The following KLF16 variants were observed in gnomAD, a reference collection of about 807,000 sequenced individuals.
KLF16 encodes KLF transcription factor 16.
A neutral mutation model predicts 6.1 loss-of-function variants in KLF16; 6 were observed. The observed-to-expected ratio is 0.98, with a 90% CI of 0.54 to 1.93. The LOEUF (loss-of-function observed/expected upper bound fraction) is 1.93, where lower values mean the gene tolerates loss of function less well. Ranked by LOEUF, KLF16 falls within the 30% of genes most tolerant of loss-of-function variation. The probability of loss-of-function intolerance (pLI) is 0.01; values close to 1 mark genes in which losing one functional copy is unlikely to be tolerated. For missense variants in KLF16, 355 were observed against 363.8 expected (o/e 0.98, Z 0.20); for synonymous variants, 211 against 176.5 (o/e 1.20, Z -1.55).
the KLF16 span, among the ~76,000 whole-genome samples, chr19:1,872,157 G>A: frequency 6.6e-6 from 1 of 152,256 alleles, no homozygotes; most frequent in East Asian, 1.9e-4. Flanking sequence ...TTAAGATGGA[G>A]TCTTGCTGTG....
At chr19:1,854,848 G>A in intron 1 of KLF16, 88 bp from the exon 2 acceptor site, 2 of 1,436,496 alleles carry the variant, frequency 1.4e-6, no homozygotes, top group South Asian at 2.4e-5. Flanking sequence ...AGGGTGGCGG[G>A]CATTTGTCCC....
At chr19:1,873,768 G>A in the KLF16 span, among the ~76,000 whole-genome samples, 1 of 152,218 alleles carries the variant, frequency 6.6e-6, no homozygotes, top group African/African-American at 2.4e-5. Context: ...GGGTCCTCCC[G>A]GGTCCCAAGA....
chr19:1,865,672 G>T (rs935892554), upstream of KLF16, among the ~76,000 whole-genome samples: 6 of 152,138 alleles, frequency 3.9e-5, no homozygotes, highest in Non-Finnish European at 7.4e-5. Flanking sequence ...GGCCTCATCT[G>T]CAGGTCATGC....
chr19:1,866,262 C>T (rs1051125436), upstream of KLF16, among the ~76,000 whole-genome samples: 1 of 150,136 alleles, frequency 6.7e-6, no homozygotes, highest in Non-Finnish European at 1.5e-5. Context: ...GAGTTGAGAT[C>T]GAACATTGTA....
At position 1,863,531 on chromosome 19, in the gene KLF16, C is replaced by G. The variant is rs1474821586; in HGVS notation, c.-34G>C. On this transcript the variant is annotated 5_prime_UTR_variant, in exon 1 of 2. Transcript: ENST00000250916. ...AGGGCGCGCGGCGCGGCGGGCGGAG[C>G]GGAGGCGGCGGGAGCGGCGTCCGTC... is the stretch of plus-strand genomic sequence containing the variant. 2.2e-4 allele frequency: 208 copies of G among 957,488 alleles called. 1 individual carries two copies. The highest frequency in any genetic ancestry group is 2.4e-4 in the Non-Finnish European group (194 of 806,694). 59.3% of individuals were successfully genotyped at this position (957,488 alleles called of 1,614,324 possible).
the KLF16 span, among the ~76,000 whole-genome samples, chr19:1,870,073 C>T: frequency 2.0e-5 from 3 of 151,528 alleles, no homozygotes; most frequent in Admixed American, 1.3e-4. Context: ...GCTGGGATTA[C>T]AGGCACGTGC....
At chr19:1,870,270 G>A in the KLF16 span, among the ~76,000 whole-genome samples, 1 of 152,056 alleles carries the variant, frequency 6.6e-6, no homozygotes, top group Non-Finnish European at 1.5e-5. Context: ...TGGATGTGGG[G>A]GTGACTGGAC....
At chr19:1,868,355 G>A (rs578019293), upstream of KLF16, among the ~76,000 whole-genome samples, 6 of 151,880 alleles carry the variant, frequency 4.0e-5, no homozygotes, top group African/African-American at 9.7e-5. Context: ...GGGTCTCGGC[G>A]ACCCCTGCTA....
At chr19:1,869,804 G>A in the KLF16 span, among the ~76,000 whole-genome samples, 2 of 152,036 alleles carry the variant, frequency 1.3e-5, no homozygotes, top group African/African-American at 4.8e-5. Flanking sequence ...TAGAGATAGG[G>A]TCTTACTTTT....
upstream of KLF16, among the ~76,000 whole-genome samples, chr19:1,867,140 CCA>C: frequency 6.6e-6 from 1 of 152,292 alleles, no homozygotes; most frequent in East Asian, 1.9e-4. Flanking sequence ...CTCAGAGGGG[CCA>C]CGGAGCCAGG....
At chr19:1,864,782 G>A (rs1464850200), upstream of KLF16, among the ~76,000 whole-genome samples, 1 of 152,206 alleles carries the variant, frequency 6.6e-6, no homozygotes, top group East Asian at 1.9e-4. Flanking sequence ...CAGGGACGCG[G>A]ATGGCCCAGT....
At position 1,857,934 on chromosome 19, in the gene KLF16, G is replaced by A. The variant is rs1470270393; in HGVS notation, c.458-3174C>T. On this transcript the variant is annotated intron_variant, in intron 1 of 1. Transcript: ENST00000250916. The surrounding 1 kb of genome is among the most constrained non-coding windows in gnomAD (Gnocchi z 4.7). Reference sequence around the variant, plus strand: ...GCCGCTGCAGAAAAGGGGGAACACTGGTGGTGAGGCCCTGCCAGCCTGGGG... The same window carrying A: ...GCCGCTGCAGAAAAGGGGGAACACTAGTGGTGAGGCCCTGCCAGCCTGGGG... Among the ~76,000 whole-genome samples the A allele has an allele frequency of 2.0e-5, 3 of 151,998 alleles. No homozygotes were observed. The highest frequency in any genetic ancestry group is 7.3e-5 in the African/African-American group (3 of 41,350).
chr19:1,860,046 T>G (rs1029013343), intron 1 of KLF16, among the ~76,000 whole-genome samples: 7 of 148,676 alleles, frequency 4.7e-5, no homozygotes, highest in Admixed American at 6.7e-5. Flanking sequence ...TCTGAGCCCC[T>G]CTCCTGGGGA....
chr19:1,854,605 G>C lies in KLF16; in HGVS notation c.613C>G (p.His205Asp). 6.3e-7 allele frequency: 1 copy of C among 1,596,052 alleles called. No individual in the cohort carries two copies. The highest frequency in any genetic ancestry group is 2.2e-5 in the East Asian group (1 of 44,644). Residue 205 changes from histidine to aspartate, a missense_variant, in exon 2 of 2, where the codon CAC (histidine) becomes GAC (aspartate). Transcript: ENST00000250916. ...TGGAAGCCGGGGTGGCGGCGGGCGTGCTTGGCCAGGTGGTCACTGCGGGTG... is the reference window on the plus strand; with the variant it reads ...TGGAAGCCGGGGTGGCGGCGGGCGTCCTTGGCCAGGTGGTCACTGCGGGTG... ...RFTRSDHLAK[H>D]ARRHPGFHPD...
the KLF16 span, among the ~76,000 whole-genome samples, chr19:1,870,356 A>G: frequency 1.3e-5 from 2 of 151,544 alleles, no homozygotes; most frequent in Non-Finnish European, 2.9e-5. Flanking sequence ...TTTAAAGTCC[A>G]CTCCTAGAAA....
upstream of KLF16, among the ~76,000 whole-genome samples, chr19:1,865,918 C>CTT (rs2012181747): frequency 6.6e-6 from 1 of 152,234 alleles, no homozygotes; most frequent in African/African-American, 2.4e-5. Flanking sequence ...AATGCCAGCA[C>CTT]TTTGAGAGAC....
Position 1,853,170 on chromosome 19 carries a change from T to A in KLF16, c.*1289A>T. On this transcript the variant is annotated 3_prime_UTR_variant, in exon 2 of 2. Transcript: ENST00000250916. ...ACAAAGGTGGCCCCCGAGGAACAAGTCCCCACCCCACCCAAGTTCAGCTCA... is the reference window on the plus strand; with the variant it reads ...ACAAAGGTGGCCCCCGAGGAACAAGACCCCACCCCACCCAAGTTCAGCTCA... 7.3e-6 allele frequency: 1 copy of A among 136,568 alleles called. No homozygotes were observed. Among genetic ancestry groups the A allele is most frequent in the African/African-American group, 2.8e-5 (1 of 35,456 alleles). 8.5% of individuals were successfully genotyped at this position (136,568 alleles called of 1,614,324 possible).
At chr19:1,858,477 C>T (rs779794489) in intron 1 of KLF16, among the ~76,000 whole-genome samples, 3 of 152,170 alleles carry the variant, frequency 2.0e-5, no homozygotes, top group Non-Finnish European at 4.4e-5. Flanking sequence ...CCCTGCACTC[C>T]AGTGGGAGCA....
chr19:1,870,182 G>A, the KLF16 span, among the ~76,000 whole-genome samples: 1 of 151,226 alleles, frequency 6.6e-6, no homozygotes, highest in East Asian at 2.0e-4. Context: ...TGCCCGCCTC[G>A]GCCTCCCAAA....
Sources: gnomAD v4.1 joint callset for allele counts (sites outside exome capture counted in the v4.1 genomes callset) on GRCh38, gnomAD v4.1.1 for gene constraint, Gnocchi (gnomAD v3.1) non-coding constraint, MANE v1.5 for transcripts, NCBI Gene and HGNC (gene_info 2026-07-23, HGNC 2026-07-21) for gene names.